SYT1: variants seen among roughly 807,000 people sequenced by gnomAD.
The protein encoded by SYT1 is synaptotagmin-1.
In SYT1, 8 loss-of-function variants were observed where a neutral mutation model predicts 44.8. The observed-to-expected ratio is 0.18, with a 90% CI of 0.10 to 0.32. SYT1 has a LOEUF of 0.32. Ranked by LOEUF, SYT1 falls within the 10% of genes least tolerant of loss-of-function variation. SYT1 has a pLI of 1.00. For synonymous variants in SYT1, 154 were observed against 188.8 expected, an observed-to-expected ratio of 0.82 and a Z score of 1.51; for missense variants, 286 against 509.3, an observed-to-expected ratio of 0.56 and a Z score of 4.22.
intron 3 of SYT1, among the ~76,000 whole-genome samples, chr12:79,135,166 A>G (rs1333674778): frequency 2.6e-5 from 4 of 151,984 alleles, no homozygotes; most frequent in Admixed American, 6.6e-5. Context: ...GGTTTGTTAC[A>G]TATGTATACA....
At chr12:79,257,036 G>T (rs1051406230) in intron 4 of SYT1, among the ~76,000 whole-genome samples, 1 of 152,148 alleles carries the variant, frequency 6.6e-6, no homozygotes, top group Non-Finnish European at 1.5e-5. Flanking sequence ...TTATGGCCAA[G>T]ATAAATGATC....
At chr12:78,981,255 G>A (rs1157711014) in intron 2 of SYT1, among the ~76,000 whole-genome samples, 1 of 151,420 alleles carries the variant, frequency 6.6e-6, no homozygotes, top group Non-Finnish European at 1.5e-5. Context: ...AGCCTCCTGA[G>A]TAGCTGGGAT....
intron 4 of SYT1, among the ~76,000 whole-genome samples, chr12:79,278,710 CAAA>C: frequency 6.6e-6 from 1 of 151,650 alleles, no homozygotes; most frequent in South Asian, 2.1e-4. Flanking sequence ...ATCAATGAAA[CAAA>C]AAGTTGGTTA....
chr12:78,943,011 A>G (rs1215620145), intron 1 of SYT1, among the ~76,000 whole-genome samples: 1 of 152,054 alleles, frequency 6.6e-6, no homozygotes, highest in African/African-American at 2.4e-5. Flanking sequence ...TTTCCACATC[A>G]CTCTCTGTAT....
intron 2 of SYT1, among the ~76,000 whole-genome samples, chr12:78,987,939 G>T (rs974061027): frequency 6.6e-6 from 1 of 152,026 alleles, no homozygotes; most frequent in African/African-American, 2.4e-5. Context: ...CTCAACAAAA[G>T]CCAGCCCATA....
intron 3 of SYT1, among the ~76,000 whole-genome samples, chr12:79,154,292 C>T (rs1326521603): frequency 1.3e-5 from 2 of 151,950 alleles, no homozygotes; most frequent in Non-Finnish European, 2.9e-5. Context: ...TAAATGTTAC[C>T]TTAAAATATT....
At chr12:79,343,609 A>C (rs1882472273) in intron 8 of SYT1, among the ~76,000 whole-genome samples, 1 of 152,220 alleles carries the variant, frequency 6.6e-6, no homozygotes, top group South Asian at 2.1e-4. Context: ...GGAATCTTCT[A>C]AGCATATTTT....
At chr12:79,347,450 T>C (rs1289513182) in intron 8 of SYT1, among the ~76,000 whole-genome samples, 1 of 152,120 alleles carries the variant, frequency 6.6e-6, no homozygotes, top group Non-Finnish European at 1.5e-5. Context: ...GAGTTCCCCA[T>C]AGAATTGACT....
At chr12:79,280,644 AAAAT>A (rs1180563661) in intron 4 of SYT1, among the ~76,000 whole-genome samples, 4 of 152,072 alleles carry the variant, frequency 2.6e-5, no homozygotes, top group Admixed American at 6.6e-5. Flanking sequence ...AATAAAAACA[AAAAT>A]AAATAAATAG....
At chr12:79,078,919 C>T (rs1442100096) in intron 3 of SYT1, among the ~76,000 whole-genome samples, 1 of 151,960 alleles carries the variant, frequency 6.6e-6, no homozygotes, top group African/African-American at 2.4e-5. Context: ...ATGGAGAGTC[C>T]ATTGTACTCA....
intron 3 of SYT1, among the ~76,000 whole-genome samples, chr12:79,093,569 T>C (rs1456275707): frequency 6.6e-6 from 1 of 151,710 alleles, no homozygotes; most frequent in Non-Finnish European, 1.5e-5. Context: ...GAAACCTTTA[T>C]AATAATTTTA....
At chr12:79,345,977 A>G (rs1454516712) in intron 8 of SYT1, among the ~76,000 whole-genome samples, 1 of 152,222 alleles carries the variant, frequency 6.6e-6, no homozygotes, top group Non-Finnish European at 1.5e-5. Context: ...TTTAACACAT[A>G]GAAAAATCTT....
intron 1 of SYT1, among the ~76,000 whole-genome samples, chr12:78,954,483 G>T (rs1459712325): frequency 6.6e-6 from 1 of 151,874 alleles, no homozygotes; most frequent in Non-Finnish European, 1.5e-5. Context: ...ATCCTATGTG[G>T]TACCCTGTGT....
At chr12:79,395,614 T>C (rs992854549) in intron 9 of SYT1, among the ~76,000 whole-genome samples, 7 of 152,122 alleles carry the variant, frequency 4.6e-5, no homozygotes, top group African/African-American at 1.7e-4. Context: ...CTCAAACACC[T>C]GGAATCAAGC....
At chr12:78,933,711 T>C (rs1017567843) in intron 1 of SYT1, among the ~76,000 whole-genome samples, 2 of 152,180 alleles carry the variant, frequency 1.3e-5, no homozygotes, top group African/African-American at 4.8e-5. Context: ...TTTAATAATT[T>C]TTGATAATTC....
chr12:78,950,051 A>G (rs969119224), intron 1 of SYT1, among the ~76,000 whole-genome samples: 10 of 152,044 alleles, frequency 6.6e-5, no homozygotes, highest in African/African-American at 2.4e-4. Flanking sequence ...AACACAAAGA[A>G]AGTAAAAGCC....
intron 8 of SYT1, among the ~76,000 whole-genome samples, chr12:79,305,410 G>C (rs895109053): frequency 6.6e-6 from 1 of 151,930 alleles, no homozygotes; most frequent in South Asian, 2.1e-4. Flanking sequence ...CCACCCAAAG[G>C]TCTGGTCTCA....
intron 3 of SYT1, among the ~76,000 whole-genome samples, chr12:79,080,733 CT>C (rs1167832615): frequency 6.6e-6 from 1 of 152,140 alleles, no homozygotes; most frequent in Non-Finnish European, 1.5e-5. Context: ...GCATTCAGAT[CT>C]TACCAAGTCC....
At chr12:79,076,619 C>G (rs180846993) in intron 3 of SYT1, among the ~76,000 whole-genome samples, 1 of 152,246 alleles carries the variant, frequency 6.6e-6, no homozygotes, top group East Asian at 1.9e-4. Context: ...AAATATAAAA[C>G]ATTCAGTGCG....
Sources: gnomAD v4.1 joint callset for allele counts (sites outside exome capture counted in the v4.1 genomes callset) on GRCh38, gnomAD v4.1.1 for gene constraint, MANE v1.5 for transcripts, NCBI Gene and HGNC (gene_info 2026-07-23, HGNC 2026-07-21) for gene names.